The following NUP37 variants were observed in gnomAD, a reference collection of about 807,000 sequenced individuals.
The protein encoded by NUP37 is nucleoporin 37.
NUP37 carries 33 observed loss-of-function variants against 45.4 expected under a neutral mutation model. That is an observed-to-expected ratio of 0.73 (90% CI 0.55 to 0.97). The LOEUF (loss-of-function observed/expected upper bound fraction) is 0.97. NUP37 is among the 50% of genes least tolerant of loss of function. The pLI, the probability that NUP37 is intolerant of heterozygous loss-of-function variation, is 0.00. For synonymous variants in NUP37, 127 were observed against 130.7 expected, an observed-to-expected ratio of 0.97 and a Z score of 0.19; for missense variants, 365 against 389.7, an observed-to-expected ratio of 0.94 and a Z score of 0.53.
At chr12:102,101,003 TC>T in intron 4 of NUP37, 28 bp downstream of exon 4, 1 of 1,324,746 alleles carries the variant, frequency 7.5e-7, no homozygotes, top group Non-Finnish European at 1.0e-6. Context: ...TAAAATAAGC[TC>T]TAAAGATTTA....
intron 3 of NUP37, 62 bp from the exon 4 acceptor site, chr12:102,101,166 T>C (rs1391492013): frequency 2.5e-6 from 2 of 794,924 alleles, no homozygotes; most frequent in Non-Finnish European, 4.0e-6. Context: ...GGTCTCCCCC[T>C]CCCCCCCATC....
intron 8 of NUP37, among the ~76,000 whole-genome samples, chr12:102,075,470 T>C (rs1277338719): frequency 6.6e-6 from 1 of 152,130 alleles, no homozygotes; most frequent in African/African-American, 2.4e-5. Flanking sequence ...GTATGAGCCA[T>C]AGCACCTAGA....
intron 3 of NUP37, among the ~76,000 whole-genome samples, chr12:102,109,422 A>G (rs1880251189): frequency 6.6e-6 from 1 of 152,180 alleles, no homozygotes; most frequent in Non-Finnish European, 1.5e-5. Flanking sequence ...TAAAGAAAGT[A>G]CAGAGAGTTA....
At chr12:102,116,049 G>T (rs1378425517) in intron 2 of NUP37, among the ~76,000 whole-genome samples, 1 of 151,994 alleles carries the variant, frequency 6.6e-6, no homozygotes, top group Non-Finnish European at 1.5e-5. Context: ...AGTAATTTGG[G>T]CACGAGACCT....
rs17438178 is a variant in NUP37, at chr12:102,101,071, T to C, written c.315A>G (p.Arg105=). The change falls in exon 4 of 10, where the codon AGA becomes AGG. Residue 105 remains arginine (R), a synonymous_variant. Coordinates refer to ENST00000552283, the MANE Select transcript of NUP37 (RefSeq NM_024057.4). ...FCTSAADMKI[R]LFTSDLQDKN... is the part of the protein sequence containing the mutation. The stretch of plus-strand genomic sequence containing the variant: ...TATCCTGAAGATCTGAAGTAAATAA[T>C]CTAATTTTCATATCAGCAGCTGAAG... 40,089 of 1,561,180 alleles carry C rather than the reference T, an allele frequency of 0.026. 644 individuals are homozygous for C. The highest frequency in any genetic ancestry group is 0.032 in the African/African-American group (2,345 of 72,672).
chr12:102,080,566 G>T (rs549332326), intron 6 of NUP37, among the ~76,000 whole-genome samples: 2 of 152,318 alleles, frequency 1.3e-5, no homozygotes, highest in Non-Finnish European at 2.9e-5. Context: ...AGCTTTACAT[G>T]TCTGCTTTAT....
At chr12:102,087,572 G>A (rs949745705) in intron 5 of NUP37, among the ~76,000 whole-genome samples, 2 of 152,132 alleles carry the variant, frequency 1.3e-5, no homozygotes, top group East Asian at 1.9e-4. Context: ...CACTCCCCAC[G>A]ATGAATTAGA....
intron 6 of NUP37, among the ~76,000 whole-genome samples, chr12:102,080,919 G>T (rs1392180513): frequency 6.6e-6 from 1 of 152,158 alleles, no homozygotes; most frequent in East Asian, 1.9e-4. Context: ...ATAACTTATG[G>T]ACTACGGAAG....
chr12:102,090,158 C>T (rs1594389478), intron 5 of NUP37, among the ~76,000 whole-genome samples: 1 of 152,194 alleles, frequency 6.6e-6, no homozygotes, highest in Non-Finnish European at 1.5e-5. Context: ...CTGACTAAAA[C>T]AGTCTTAATC....
chr12:102,107,691 C>T (rs1880192958), intron 3 of NUP37, among the ~76,000 whole-genome samples: 1 of 152,046 alleles, frequency 6.6e-6, no homozygotes, highest in South Asian at 2.1e-4. Context: ...ACTAGATCTA[C>T]AAGTAGAAAC....
intron 4 of NUP37, among the ~76,000 whole-genome samples, chr12:102,100,462 C>A (rs553913022): frequency 6.6e-6 from 1 of 152,122 alleles, no homozygotes; most frequent in African/African-American, 2.4e-5. Flanking sequence ...TTATTCTAAG[C>A]GTTTTATATG....
At chr12:102,099,377 G>A (rs919866521) in intron 4 of NUP37, among the ~76,000 whole-genome samples, 177 bp from the exon 5 acceptor site, 4 of 151,976 alleles carry the variant, frequency 2.6e-5, no homozygotes, top group African/African-American at 4.8e-5. Context: ...TTTCTAGAAG[G>A]TTTATCTTGG....
intron 8 of NUP37, 134 bp downstream of exon 8, chr12:102,076,663 G>A: frequency 3.1e-6 from 2 of 654,298 alleles, no homozygotes; most frequent in Non-Finnish European, 5.2e-6. Flanking sequence ...AGTCGGGAAA[G>A]TAAAATAACC....
chr12:102,084,373 C>A (rs746905939), intron 6 of NUP37, among the ~76,000 whole-genome samples: 1 of 152,122 alleles, frequency 6.6e-6, no homozygotes, highest in Non-Finnish European at 1.5e-5. Context: ...ATGGCCGGTA[C>A]GGTGGCTCAC....
chr12:102,096,528 G>A (rs1424629656), intron 5 of NUP37, among the ~76,000 whole-genome samples: 1 of 152,148 alleles, frequency 6.6e-6, no homozygotes, highest in African/African-American at 2.4e-5. Context: ...TCTTGGAAAT[G>A]TCAAAGTGAA....
At chr12:102,076,952 G>A in intron 7 of NUP37, 105 bp from the exon 8 acceptor site, 8 of 768,078 alleles carry the variant, frequency 1.0e-5, no homozygotes, top group East Asian at 2.7e-5. Flanking sequence ...TGTCCAATGT[G>A]TTTAAACTAT....
chr12:102,107,787 C>A (rs1400066838), intron 3 of NUP37, among the ~76,000 whole-genome samples: 23 of 152,128 alleles, frequency 1.5e-4, no homozygotes, highest in Admixed American at 7.2e-4. Flanking sequence ...TAAGAAAGTT[C>A]ATAAGCAGGC....
intron 6 of NUP37, among the ~76,000 whole-genome samples, chr12:102,082,061 A>G (rs1366983720): frequency 6.6e-6 from 1 of 152,088 alleles, no homozygotes; most frequent in East Asian, 1.9e-4. Context: ...CTCAGTCCCA[A>G]TTCTTTGATC....
chr12:102,111,699 T>C (rs908966976), intron 3 of NUP37, among the ~76,000 whole-genome samples: 1 of 152,202 alleles, frequency 6.6e-6, no homozygotes, highest in African/African-American at 2.4e-5. Flanking sequence ...GGACCAGAAC[T>C]TACAGATTTA....
Sources: allele counts gnomAD v4.1 joint callset (sites outside exome capture counted in the v4.1 genomes callset), GRCh38; gene constraint gnomAD v4.1.1; transcripts MANE v1.5; gene names NCBI Gene and HGNC (gene_info 2026-07-23, HGNC 2026-07-21).